ZNRF3: variants seen among roughly 807,000 people sequenced by gnomAD.
ZNRF3 encodes the protein E3 ubiquitin-protein ligase ZNRF3.
Under a neutral mutation model 72.5 loss-of-function variants are expected in ZNRF3, and 23 were observed. The ratio of observed to expected loss-of-function variants is 0.32; its 90% CI spans 0.23 to 0.45. The LOEUF is 0.45. Among genes scored for constraint, ZNRF3 ranks in the 20% least tolerant of loss-of-function variants. The pLI, the probability that ZNRF3 is intolerant of heterozygous loss-of-function variation, is 1.00. For synonymous variants in ZNRF3, 610 were observed against 545.3 expected, an observed-to-expected ratio of 1.12 and a Z score of -1.65; for missense variants, 1,169 against 1,272.1, an observed-to-expected ratio of 0.92 and a Z score of 1.23.
chr22:29,053,558 ATTGT>A lies in ZNRF3; in HGVS notation c.2768-19_2768-16del. ...GTGGTGCCAGCTCCCTCCCCTGATG[ATTGT>A]TCTCTCTCTTTCCCAGGACCGAGAT... On this transcript the variant is annotated splice_polypyrimidine_tract_variant and intron_variant, in intron 8 of 8. Transcript: ENST00000544604. The A allele has an allele frequency of 6.2e-7, 1 of 1,611,480 alleles. No homozygotes were observed. The highest frequency in any genetic ancestry group is 8.5e-7 in the Non-Finnish European group (1 of 1,178,906).
intron 1 of ZNRF3, among the ~76,000 whole-genome samples, chr22:28,924,088 C>T (rs980584146): frequency 1.3e-5 from 2 of 152,272 alleles, no homozygotes; most frequent in Non-Finnish European, 1.5e-5. Flanking sequence ...AATGAGAGCT[C>T]TCTGCTGATG....
intron 2 of ZNRF3, among the ~76,000 whole-genome samples, chr22:29,020,763 TTGTGTGTGTGTGGGTG>T (rs1368604142): frequency 7.5e-5 from 5 of 66,856 alleles, no homozygotes; most frequent in African/African-American, 1.7e-4. Context: ...GGCTTTGTTT[TTGTGTGTGTGTGGGTG>T]TGTGTGTGTG....
intron 4 of ZNRF3, 33 bp downstream of exon 4, chr22:29,043,463 G>C: frequency 6.2e-7 from 1 of 1,609,938 alleles, no homozygotes; most frequent in Non-Finnish European, 8.5e-7. Flanking sequence ...ACAGGCTCGG[G>C]GCCTTCTCTG....
intron 1 of ZNRF3, among the ~76,000 whole-genome samples, chr22:28,941,112 A>G (rs942383584): frequency 6.6e-6 from 1 of 152,156 alleles, no homozygotes; most frequent in Non-Finnish European, 1.5e-5. Flanking sequence ...AAATGAGAAG[A>G]GTAGGGTAGG....
At chr22:29,004,676 C>G (rs1317387885) in intron 2 of ZNRF3, among the ~76,000 whole-genome samples, 3 of 152,218 alleles carry the variant, frequency 2.0e-5, no homozygotes, top group African/African-American at 7.2e-5. Flanking sequence ...TCGCCCTCCC[C>G]CAGTGGCTTC....
intron 1 of ZNRF3, among the ~76,000 whole-genome samples, chr22:28,933,138 A>G (rs1487098957): frequency 6.6e-6 from 1 of 152,212 alleles, no homozygotes; most frequent in Admixed American, 6.5e-5. Flanking sequence ...TGGTTTTAAA[A>G]ATATCATCTA....
At chr22:28,907,740 T>C (rs2034238518) in intron 1 of ZNRF3, among the ~76,000 whole-genome samples, 1 of 152,242 alleles carries the variant, frequency 6.6e-6, no homozygotes, top group Non-Finnish European at 1.5e-5. Flanking sequence ...GGGATGGTTA[T>C]GTGGTAGAAC....
intron 1 of ZNRF3, among the ~76,000 whole-genome samples, chr22:28,934,924 C>G (rs990081582): frequency 6.8e-6 from 1 of 147,376 alleles, no homozygotes; most frequent in Admixed American, 6.8e-5. Flanking sequence ...GTTTTTTTTT[C>G]TGTGCATTTC....
chr22:29,045,799 G>A (rs778886346), intron 5 of ZNRF3, among the ~76,000 whole-genome samples: 13 of 152,220 alleles, frequency 8.5e-5, no homozygotes, highest in Non-Finnish European at 1.6e-4. Context: ...TTAAGTCAAC[G>A]TTAATAAGTA....
At chr22:29,042,688 A>T in intron 3 of ZNRF3, 119 bp downstream of exon 3, 1 of 889,082 alleles carries the variant, frequency 1.1e-6, no homozygotes, top group East Asian at 2.6e-5. Flanking sequence ...TTGTCTTCTG[A>T]AGTTAGGTGT....
chr22:29,042,899 C>T (rs2036993148), intron 3 of ZNRF3, among the ~76,000 whole-genome samples: 1 of 152,056 alleles, frequency 6.6e-6, no homozygotes, highest in African/African-American at 2.4e-5. Context: ...CTCAGCCTCC[C>T]AAGTATCTGG....
intron 1 of ZNRF3, among the ~76,000 whole-genome samples, chr22:28,948,646 T>C (rs2035096888): frequency 6.6e-6 from 1 of 152,182 alleles, no homozygotes. Flanking sequence ...CTTACACAGA[T>C]ATGTAGTTGG....
chr22:28,948,603 G>A (rs1177355613), intron 1 of ZNRF3, among the ~76,000 whole-genome samples: 1 of 152,218 alleles, frequency 6.6e-6, no homozygotes, highest in Non-Finnish European at 1.5e-5. Flanking sequence ...GTTGCAATAT[G>A]CTTTGGTTGA....
intron 1 of ZNRF3, among the ~76,000 whole-genome samples, chr22:28,891,289 G>A (rs770894935): frequency 1.2e-4 from 19 of 152,168 alleles, no homozygotes; most frequent in Admixed American, 2.6e-4. Context: ...TGTTACCCCC[G>A]GCTGTAGCCT....
rs542890261 is a variant in ZNRF3 at position 29,044,904 on chromosome 22, G to A, written c.744+14G>A. 1.3e-6 allele frequency: 2 copies of A among 1,583,902 alleles called. No homozygotes were observed. The highest frequency in any genetic ancestry group is 1.7e-6 in the Non-Finnish European group (2 of 1,152,670). ...CGACGCAGTCAGGTAGTGCCTCTGT[G>A]TGTAGCCCGTGAGCAGTAACCCCTC... On this transcript the variant is annotated intron_variant, in intron 5 of 8. Transcript: ENST00000544604.
chr22:28,892,083 A>G (rs1171352014), intron 1 of ZNRF3, among the ~76,000 whole-genome samples: 3 of 152,228 alleles, frequency 2.0e-5, no homozygotes, highest in African/African-American at 7.2e-5. Context: ...CTTTCTCCAA[A>G]GAGGTCACGT....
At chr22:29,040,289 C>A (rs2036938536) in intron 2 of ZNRF3, among the ~76,000 whole-genome samples, 1 of 151,894 alleles carries the variant, frequency 6.6e-6, no homozygotes, top group Non-Finnish European at 1.5e-5. Context: ...AAGTGATTCT[C>A]CTGCCTCAGC....
intron 1 of ZNRF3, among the ~76,000 whole-genome samples, chr22:28,891,641 C>G (rs1480513093): frequency 6.6e-6 from 1 of 152,204 alleles, no homozygotes; most frequent in Non-Finnish European, 1.5e-5. Context: ...CTGTCTGATT[C>G]TAAGCCATTT....
chr22:29,003,548 G>A (rs955219989), intron 2 of ZNRF3, among the ~76,000 whole-genome samples: 10 of 151,288 alleles, frequency 6.6e-5, no homozygotes, highest in East Asian at 1.9e-4. Context: ...TGATGTGCAC[G>A]CATCTCTTAA....
Sources: gnomAD v4.1 joint callset for allele counts (sites outside exome capture counted in the v4.1 genomes callset) on GRCh38, gnomAD v4.1.1 for gene constraint, MANE v1.5 for transcripts, NCBI Gene and HGNC (gene_info 2026-07-23, HGNC 2026-07-21) for gene names.